Variants in KCNU1 observed in about 807,000 individuals in gnomAD.
KCNU1 encodes potassium calcium-activated channel subfamily U member 1, also known as potassium channel subfamily U member 1.
Under a neutral mutation model 126.8 loss-of-function variants are expected in KCNU1, and 93 were observed. The ratio of observed to expected loss-of-function variants is 0.73; its 90% CI spans 0.62 to 0.87. KCNU1 has a LOEUF of 0.87. KCNU1 is among the 40% of genes least tolerant of loss of function. The pLI is 0.00. For synonymous variants in KCNU1, 523 were observed against 494.2 expected, an observed-to-expected ratio of 1.06 and a Z score of -0.77; for missense variants, 1,330 against 1,367.1, an observed-to-expected ratio of 0.97 and a Z score of 0.43.
At chr8:36,810,990 T>C (rs1453342630) in intron 7 of KCNU1, among the ~76,000 whole-genome samples, 1 of 151,986 alleles carries the variant, frequency 6.6e-6, no homozygotes, top group African/African-American at 2.4e-5. Context: ...CCAAAAGATA[T>C]CAGAGAAAAA....
intron 2 of KCNU1, among the ~76,000 whole-genome samples, chr8:36,801,725 T>C (rs1180212460): frequency 6.6e-6 from 1 of 152,184 alleles, no homozygotes; most frequent in Non-Finnish European, 1.5e-5. Flanking sequence ...ACAACTTTTC[T>C]GAGCTTCAGA....
At chr8:36,860,412 A>T (rs1805686762) in intron 18 of KCNU1, among the ~76,000 whole-genome samples, 1 of 151,974 alleles carries the variant, frequency 6.6e-6, no homozygotes, top group East Asian at 1.9e-4. Context: ...CAGCATAAAC[A>T]CCAGTAGGGC....
intron 10 of KCNU1, among the ~76,000 whole-genome samples, chr8:36,818,382 A>G (rs2130479661): frequency 1.3e-5 from 2 of 152,080 alleles, no homozygotes. Flanking sequence ...ATCCTCTCCT[A>G]TTAAGTGGAT....
chr8:36,789,254 G>A (rs1802817417), intron 2 of KCNU1, among the ~76,000 whole-genome samples: 1 of 152,052 alleles, frequency 6.6e-6, no homozygotes, highest in African/African-American at 2.4e-5. Flanking sequence ...TACTCAGGAG[G>A]CTGCGATAGG....
At chr8:36,853,062 C>G (rs1805408507) in intron 18 of KCNU1, among the ~76,000 whole-genome samples, 2 of 152,016 alleles carry the variant, frequency 1.3e-5, no homozygotes, top group African/African-American at 4.8e-5. Flanking sequence ...GGAAAAAAAA[C>G]TAGGCTGCCA....
chr8:36,913,893 G>A (rs907220237), intron 22 of KCNU1, among the ~76,000 whole-genome samples: 11 of 152,174 alleles, frequency 7.2e-5, no homozygotes, highest in Non-Finnish European at 1.5e-4. Context: ...GAGCCACCAC[G>A]CCTGGCCATG....
intron 19 of KCNU1, among the ~76,000 whole-genome samples, chr8:36,880,422 ATT>A (rs1354762602): frequency 6.6e-6 from 1 of 152,002 alleles, no homozygotes; most frequent in Non-Finnish European, 1.5e-5. Context: ...ATGTTGCATT[ATT>A]TTTCAAGTTT....
chr8:36,873,493 A>G (rs534000129), intron 19 of KCNU1, among the ~76,000 whole-genome samples: 1 of 152,334 alleles, frequency 6.6e-6, no homozygotes, highest in East Asian at 1.9e-4. Context: ...AATTATTTAT[A>G]CGTTTTAAAA....
chr8:36,836,398 C>G, intron 13 of KCNU1, 33 bp downstream of exon 13: 1 of 1,389,628 alleles, frequency 7.2e-7, no homozygotes, highest in Non-Finnish European at 1.0e-6. Flanking sequence ...TCCATCTCCT[C>G]CTTTTATCTA....
At chr8:36,927,197 T>TC (rs1419671766) in intron 24 of KCNU1, among the ~76,000 whole-genome samples, 10 of 152,188 alleles carry the variant, frequency 6.6e-5, no homozygotes, top group Admixed American at 2.0e-4. Context: ...AAAAATTCTA[T>TC]CCCTTGTTAG....
chr8:36,905,634 G>C (rs1381635408), intron 19 of KCNU1, 74 bp from the exon 20 acceptor site: 2 of 821,860 alleles, frequency 2.4e-6, no homozygotes, highest in East Asian at 4.9e-5. Context: ...AGGCTCTAAT[G>C]AGTTTTACAT....
At chr8:36,814,915 C>G (rs1223941433) in intron 8 of KCNU1, among the ~76,000 whole-genome samples, 1 of 152,118 alleles carries the variant, frequency 6.6e-6, no homozygotes, top group Non-Finnish European at 1.5e-5. Context: ...TGATATCTAC[C>G]CATCCACGGT....
intron 10 of KCNU1, among the ~76,000 whole-genome samples, chr8:36,832,098 C>G (rs985312307): frequency 6.6e-5 from 10 of 152,152 alleles, no homozygotes; most frequent in African/African-American, 2.4e-4. Flanking sequence ...TCTGAGGGCT[C>G]TGTTCTGTTC....
At chr8:36,833,701 T>G (rs1804644883) in intron 11 of KCNU1, 42 bp downstream of exon 11, 1 of 1,161,338 alleles carries the variant, frequency 8.6e-7, no homozygotes, top group Non-Finnish European at 1.3e-6. Flanking sequence ...TTTCCTTAGT[T>G]GCAACAATTA....
intron 20 of KCNU1, among the ~76,000 whole-genome samples, chr8:36,907,035 C>CA (rs1301837696): frequency 2.0e-5 from 3 of 152,046 alleles, no homozygotes; most frequent in African/African-American, 7.2e-5. Flanking sequence ...GACAGGTTGC[C>CA]ATGATTGATA....
intron 24 of KCNU1, among the ~76,000 whole-genome samples, chr8:36,925,934 C>T (rs1808515873): frequency 6.6e-6 from 1 of 152,114 alleles, no homozygotes; most frequent in African/African-American, 2.4e-5. Flanking sequence ...GAGCTATGAC[C>T]CCTACAGACC....
chr8:36,883,440 C>T (rs1311492887), intron 19 of KCNU1, among the ~76,000 whole-genome samples: 1 of 152,158 alleles, frequency 6.6e-6, no homozygotes, highest in Non-Finnish European at 1.5e-5. Context: ...CTAGAAACAA[C>T]CTCAGGGTAA....
chr8:36,911,231 C>T, intron 22 of KCNU1, 112 bp downstream of exon 22: 1 of 763,818 alleles, frequency 1.3e-6, no homozygotes. Flanking sequence ...GGCCAGATGT[C>T]CTCTGAGGTC....
At chr8:36,860,132 C>T (rs1805676694) in intron 18 of KCNU1, among the ~76,000 whole-genome samples, 1 of 152,052 alleles carries the variant, frequency 6.6e-6, no homozygotes, top group Admixed American at 6.5e-5. Context: ...GGCTGGAGTG[C>T]AGTGGTGCGA....
Sources: gnomAD v4.1 joint callset for allele counts (sites outside exome capture counted in the v4.1 genomes callset) on GRCh38, gnomAD v4.1.1 for gene constraint, MANE v1.5 for transcripts, NCBI Gene and HGNC (gene_info 2026-07-23, HGNC 2026-07-21) for gene names.